Variants in UTY observed in about 807,000 individuals in gnomAD.
The protein encoded by UTY is histone demethylase UTY.
In UTY, 12 loss-of-function variants were observed where a neutral mutation model predicts 32.5. That is an observed-to-expected ratio of 0.37 (90% CI 0.24 to 0.60). The LOEUF is 0.60. UTY is among the 20% of genes least tolerant of loss of function. The probability of loss-of-function intolerance (pLI) is 0.69; values close to 1 mark genes in which losing one functional copy is unlikely to be tolerated. For synonymous variants in UTY, 131 were observed against 103.4 expected (o/e 1.27, Z -1.62); for missense variants, 303 against 299.2 (o/e 1.01, Z -0.09).
chrY:13,335,360 C>A lies in UTY; in HGVS notation c.2834+203G>T, dbSNP rs2149040580. ...TACTAGAACTTAAAGAAAAAAAAAA[C>A]AACCCACAACTTTCAACATAATAAA... On this transcript the variant is annotated intron_variant, in intron 18 of 29. Transcript: ENST00000545955. Among the ~76,000 whole-genome samples the A allele has an allele frequency of 9.4e-5, 3 of 32,063 alleles. No individual in the cohort carries two copies. In the East Asian group the frequency reaches 2.4e-3, roughly 26 times the overall value. 86.0% of individuals were successfully genotyped at this position (32,063 alleles called of 37,273 possible). A position where few individuals can be genotyped will look rare whatever the true frequency, so the allele number is the denominator to read the frequency against.
chrY:13,406,815 G>GAT (rs2070116130), intron 6 of UTY, among the ~76,000 whole-genome samples: 1 of 27,709 alleles, frequency 3.6e-5, no homozygotes. Context: ...TTACATATAA[G>GAT]ATATATATAT....
intron 3 of UTY, among the ~76,000 whole-genome samples, chrY:13,450,100 T>C (rs933063402): frequency 3.0e-5 from 1 of 33,410 alleles, no homozygotes; most frequent in Non-Finnish European, 7.4e-5. Flanking sequence ...CAGTAGCATA[T>C]ATAAGAATCA....
At chrY:13,455,461 A>T in intron 3 of UTY, among the ~76,000 whole-genome samples, 1 of 33,381 alleles carries the variant, frequency 3.0e-5, no homozygotes, top group South Asian at 6.6e-4. Flanking sequence ...TAAGAATAAC[A>T]GATTTTCTAA....
At chrY:13,351,899 T>C (rs574240545) in intron 17 of UTY, among the ~76,000 whole-genome samples, 8 of 34,010 alleles carry the variant, frequency 2.4e-4, no homozygotes, top group African/African-American at 5.7e-4. Flanking sequence ...ATTGAAGGTA[T>C]GTGGCAACAG....
chrY:13,475,538 A>G (rs2078950757), intron 2 of UTY, among the ~76,000 whole-genome samples: 3 of 33,988 alleles, frequency 8.8e-5, no homozygotes, highest in Non-Finnish European at 2.2e-4. Flanking sequence ...AAATCAATCT[A>G]TGTCAGAACA....
intron 24 of UTY, chrY:13,304,161 T>C: frequency 9.0e-6 from 1 of 111,263 alleles, no homozygotes; most frequent in Admixed American, 1.3e-4. Flanking sequence ...ACCTAAAAAT[T>C]ACAAAGCAAA....
At chrY:13,380,063 A>G (rs527904234) in intron 8 of UTY, among the ~76,000 whole-genome samples, 2 of 3,800 alleles carry the variant, frequency 5.3e-4, no homozygotes, top group Non-Finnish European at 8.8e-4. Flanking sequence ...GTGTGTGTGT[A>G]TATATATATA....
Position 13,251,056 on chromosome Y carries a change from T to C in UTY, c.4269A>G (p.Lys1423=). Residue 1423 remains lysine, a synonymous_variant, in exon 29 of 30, where the codon AAA becomes AAG. Coordinates refer to ENST00000545955, the MANE Select transcript of UTY (RefSeq NM_001258249.2). ...LENFVVLEQY[K]MEDLIQVYDQ... is the part of the protein sequence containing the mutation. Reference sequence around the variant, plus strand: ...CATAAACTTGGATTAGGTCCTCCATTTTGTACTGTTCGAGCACCACAAAAT... The same window carrying C: ...CATAAACTTGGATTAGGTCCTCCATCTTGTACTGTTCGAGCACCACAAAAT... 2.5e-6 allele frequency: 1 copy of C among 398,734 alleles called. No homozygotes were observed. Among genetic ancestry groups the C allele is most frequent in the Non-Finnish European group, 3.5e-6 (1 of 283,445 alleles).
chrY:13,366,456 T>A, intron 9 of UTY, 63 bp from the exon 10 acceptor site: 6 of 268,532 alleles, frequency 2.2e-5, no homozygotes, highest in African/African-American at 7.6e-5. Flanking sequence ...AAGAAAATCA[T>A]GCAGGAAACA....
intron 27 of UTY, among the ~76,000 whole-genome samples, chrY:13,292,449 G>GA (rs571095332): frequency 3.6e-3 from 64 of 17,539 alleles, no homozygotes; most frequent in East Asian, 0.02. Context: ...ACTCTGTCTT[G>GA]AAAAAAAAAA....
Position 13,430,424 on chromosome Y carries a change from CT to C in UTY, c.376-15632del, listed in dbSNP as rs2073874290. Among the ~76,000 whole-genome samples the C allele has an allele frequency of 1.8e-4, 6 of 33,730 alleles. No homozygotes were observed. The East Asian group carries it at 4.6e-3, about 26-fold the overall frequency. 90.5% of individuals were successfully genotyped at this position (33,730 alleles called of 37,273 possible). ...GTCTGTTCAGAAGTTCTATTTCTTC[CT>C]GGTTAAATCTTGGGAGGTTGTGTAC... On this transcript the variant is annotated intron_variant, in intron 4 of 29. Coordinates refer to ENST00000545955, the MANE Select transcript of UTY (RefSeq NM_001258249.2).
chrY:13,324,217 G>GA (rs2060034712), intron 20 of UTY, among the ~76,000 whole-genome samples: 1 of 27,529 alleles, frequency 3.6e-5, no homozygotes, highest in Non-Finnish European at 8.8e-5. Context: ...TTCTCCAAAA[G>GA]TTTTTTTTTT....
At chrY:13,244,160 G>A, downstream of UTY, among the ~76,000 whole-genome samples, 2 of 32,299 alleles carry the variant, frequency 6.2e-5, no homozygotes, top group Non-Finnish European at 1.5e-4. Context: ...TAAACATTGC[G>A]TGCTCTCATT....
Position 13,357,923 on chromosome Y carries a change from G to C in UTY, c.1523C>G (p.Pro508Arg), listed in dbSNP as rs1366568432. Residue 508 changes from proline to arginine, a missense_variant, in exon 15 of 30, where the codon CCA (proline) becomes CGA (arginine). Physicochemically the swap from Pro to Arg is moderately radical, Grantham distance 103 (BLOSUM62 -2). Transcript: ENST00000545955. ...WNGGQSLSHH[P>R]VQQVYSLCLT... ...ACACAACGAATAAACTTGCTGTACT[G>C]GATGATGTGAAAGACTCTGGCCACC... The C allele has an allele frequency of 1.5e-5, 6 of 397,864 alleles. No individual in the cohort carries two copies. Among genetic ancestry groups the C allele is most frequent in the Non-Finnish European group, 2.1e-5 (6 of 282,927 alleles).
chrY:13,455,711 G>T, intron 3 of UTY, among the ~76,000 whole-genome samples: 1 of 33,266 alleles, frequency 3.0e-5, no homozygotes, highest in African/African-American at 1.2e-4. Flanking sequence ...CTGCCAAGTT[G>T]ACCTTCTTGC....
At chrY:13,283,829 C>G in intron 27 of UTY, among the ~76,000 whole-genome samples, 1 of 33,598 alleles carries the variant, frequency 3.0e-5, no homozygotes, top group Non-Finnish European at 7.3e-5. Flanking sequence ...TAAACAAGGT[C>G]TAGCAAAAGA....
intron 27 of UTY, among the ~76,000 whole-genome samples, chrY:13,263,600 T>C: frequency 3.0e-5 from 1 of 33,576 alleles, no homozygotes; most frequent in Non-Finnish European, 7.4e-5. Flanking sequence ...AGTGTTGACA[T>C]TTCTTCCTTT....
intron 6 of UTY, among the ~76,000 whole-genome samples, chrY:13,403,845 C>T (rs2069468686): frequency 2.5e-4 from 8 of 32,616 alleles, no homozygotes; most frequent in African/African-American, 4.8e-4. Flanking sequence ...GAATTCCACG[C>T]GTTGTACTAT....
chrY:13,468,881 C>T (rs768556758), intron 3 of UTY, among the ~76,000 whole-genome samples: 2 of 32,973 alleles, frequency 6.1e-5, no homozygotes, highest in South Asian at 1.3e-3. Flanking sequence ...CATTAGTAAA[C>T]ACTGGCTTAA....
Sources: gnomAD v4.1 joint callset for allele counts (sites outside exome capture counted in the v4.1 genomes callset) on GRCh38, gnomAD v4.1.1 for gene constraint, MANE v1.5 for transcripts, NCBI Gene and HGNC (gene_info 2026-07-23, HGNC 2026-07-21) for gene names.